NRG3: variants seen among roughly 807,000 people sequenced by gnomAD.
NRG3 encodes pro-neuregulin-3, membrane-bound isoform.
NRG3 carries 31 observed loss-of-function variants against 66.9 expected under a neutral mutation model. The observed-to-expected ratio is 0.46, with a 90% CI of 0.35 to 0.63. The LOEUF (loss-of-function observed/expected upper bound fraction) is 0.63. NRG3 is among the 20% of genes least tolerant of loss of function. The probability of loss-of-function intolerance (pLI) is 0.00; values close to 1 mark genes in which losing one functional copy is unlikely to be tolerated. For synonymous variants in NRG3, 393 were observed against 359.4 expected (o/e 1.09, Z -1.06); for missense variants, 910 against 878.9 (o/e 1.04, Z -0.45).
At chr10:82,300,548 G>A (rs1441052064) in intron 1 of NRG3, among the ~76,000 whole-genome samples, 2 of 152,036 alleles carry the variant, frequency 1.3e-5, no homozygotes, top group African/African-American at 4.8e-5. Flanking sequence ...ATTGGTTCGA[G>A]GCATAGCTAA....
intron 2 of NRG3, among the ~76,000 whole-genome samples, chr10:82,528,526 G>C (rs1846942169): frequency 6.6e-6 from 1 of 152,080 alleles, no homozygotes; most frequent in Non-Finnish European, 1.5e-5. Flanking sequence ...CTCCTCTACT[G>C]TCAGGAGGAT....
At chr10:82,712,078 C>G (rs980374881) in intron 2 of NRG3, among the ~76,000 whole-genome samples, 1 of 152,120 alleles carries the variant, frequency 6.6e-6, no homozygotes, top group Admixed American at 6.5e-5. Context: ...CCAAAAGAAT[C>G]CTTTGCACCA....
chr10:81,985,324 A>G (rs2060478367), intron 1 of NRG3, among the ~76,000 whole-genome samples: 1 of 152,134 alleles, frequency 6.6e-6, no homozygotes, highest in African/African-American at 2.4e-5. Context: ...CTGCTGCTGG[A>G]TGGGCTTTTC....
intron 1 of NRG3, among the ~76,000 whole-genome samples, chr10:82,220,838 T>A (rs1556733): frequency 0.11 from 16,691 of 152,054 alleles, 1,017 homozygotes; most frequent in Middle Eastern, 0.18. Flanking sequence ...TACAAAAAAA[T>A]ATTTAAAAAT....
At chr10:82,016,032 A>C (rs529650874) in intron 1 of NRG3, among the ~76,000 whole-genome samples, 8 of 150,618 alleles carry the variant, frequency 5.3e-5, no homozygotes, top group Non-Finnish European at 1.0e-4. Context: ...TAAAAATATG[A>C]GGTAGTTAGC....
intron 3 of NRG3, among the ~76,000 whole-genome samples, chr10:82,749,203 C>T (rs368836746): frequency 5.3e-5 from 8 of 152,016 alleles, no homozygotes; most frequent in Non-Finnish European, 1.2e-4. Context: ...CTGAGACATG[C>T]CCTGAGGTGG....
At chr10:82,310,198 C>CAA (rs1355574685) in intron 1 of NRG3, among the ~76,000 whole-genome samples, 8 of 152,162 alleles carry the variant, frequency 5.3e-5, no homozygotes, top group African/African-American at 1.7e-4. Flanking sequence ...TATCATTTAT[C>CAA]TCCATCATTA....
chr10:82,294,503 C>T (rs2079943773), intron 1 of NRG3, among the ~76,000 whole-genome samples: 1 of 151,894 alleles, frequency 6.6e-6, no homozygotes, highest in African/African-American at 2.4e-5. Flanking sequence ...CACATACAGT[C>T]ATATGCCACC....
intron 1 of NRG3, among the ~76,000 whole-genome samples, chr10:82,153,935 G>T (rs1268155694): frequency 6.6e-6 from 1 of 151,638 alleles, no homozygotes; most frequent in Admixed American, 6.6e-5. Flanking sequence ...ACATTCAGTT[G>T]TTTGAGTTCC....
At chr10:82,538,663 T>C (rs1367977559) in intron 2 of NRG3, among the ~76,000 whole-genome samples, 2 of 152,178 alleles carry the variant, frequency 1.3e-5, no homozygotes, top group East Asian at 1.9e-4. Flanking sequence ...CGAAATGAAT[T>C]TGAGATTCTA....
chr10:82,499,117 C>T (rs533824556), intron 2 of NRG3, among the ~76,000 whole-genome samples: 2 of 152,170 alleles, frequency 1.3e-5, no homozygotes, highest in South Asian at 2.1e-4. Context: ...AAGAGTCTGG[C>T]CTAGTGACAA....
intron 2 of NRG3, among the ~76,000 whole-genome samples, chr10:82,443,418 G>A (rs1202854975): frequency 6.6e-6 from 1 of 152,170 alleles, no homozygotes; most frequent in Non-Finnish European, 1.5e-5. Flanking sequence ...TTGGGCGCTA[G>A]ACATGTGGAC....
chr10:82,041,006 A>AT (rs2063009032), intron 1 of NRG3, among the ~76,000 whole-genome samples: 2 of 152,086 alleles, frequency 1.3e-5, no homozygotes. Flanking sequence ...AAAACATTGC[A>AT]TATCAGCTGA....
At chr10:82,867,217 T>G (rs746096889) in intron 4 of NRG3, among the ~76,000 whole-genome samples, 1 of 152,178 alleles carries the variant, frequency 6.6e-6, no homozygotes, top group African/African-American at 2.4e-5. Flanking sequence ...ATTCAAGTAG[T>G]GAATTAGAGA....
intron 3 of NRG3, among the ~76,000 whole-genome samples, chr10:82,747,366 C>T (rs975666434): frequency 1.3e-5 from 2 of 151,988 alleles, no homozygotes; most frequent in South Asian, 2.1e-4. Context: ...GTCTCTGTAC[C>T]TTGATGTCCA....
At chr10:82,640,189 A>G (rs1050532495) in intron 2 of NRG3, among the ~76,000 whole-genome samples, 1 of 152,232 alleles carries the variant, frequency 6.6e-6, no homozygotes, top group Non-Finnish European at 1.5e-5. Flanking sequence ...AAATTGTTCC[A>G]TTATAAAGAT....
chr10:82,908,444 G>C (rs1317754266), intron 4 of NRG3, among the ~76,000 whole-genome samples: 3 of 152,176 alleles, frequency 2.0e-5, no homozygotes, highest in African/African-American at 7.2e-5. Context: ...GACCTGCCAA[G>C]TTCTGAGCAT....
At chr10:82,466,467 G>A (rs1295038120) in intron 2 of NRG3, among the ~76,000 whole-genome samples, 1 of 152,122 alleles carries the variant, frequency 6.6e-6, no homozygotes, top group Non-Finnish European at 1.5e-5. Context: ...ATTGCCACTA[G>A]GGAGATAGGG....
chr10:82,792,071 A>T (rs906579490), intron 3 of NRG3, among the ~76,000 whole-genome samples: 1 of 152,204 alleles, frequency 6.6e-6, no homozygotes, highest in Non-Finnish European at 1.5e-5. Flanking sequence ...TGTCATTTTT[A>T]CCAAGGTTCT....
Sources: gnomAD v4.1 joint callset for allele counts (sites outside exome capture counted in the v4.1 genomes callset) on GRCh38, gnomAD v4.1.1 for gene constraint, MANE v1.5 for transcripts, NCBI Gene and HGNC (gene_info 2026-07-23, HGNC 2026-07-21) for gene names.